Variants in ARHGEF3 observed in about 807,000 individuals in gnomAD.
ARHGEF3 encodes the protein Rho guanine nucleotide exchange factor 3.
ARHGEF3 carries 28 observed loss-of-function variants against 63.2 expected under a neutral mutation model. The ratio of observed to expected loss-of-function variants is 0.44; its 90% CI spans 0.33 to 0.61. ARHGEF3 has a LOEUF of 0.61. Ranked by LOEUF, ARHGEF3 falls within the 20% of genes least tolerant of loss-of-function variation. ARHGEF3 has a pLI of 0.03. For missense variants in ARHGEF3, 533 were observed against 659.3 expected, an observed-to-expected ratio of 0.81 and a Z score of 2.10; for synonymous variants, 266 against 254.2, an observed-to-expected ratio of 1.05 and a Z score of -0.44.
intron 4 of ARHGEF3, among the ~76,000 whole-genome samples, chr3:56,872,983 A>G (rs1666227062): frequency 6.6e-6 from 1 of 152,132 alleles, no homozygotes; most frequent in South Asian, 2.1e-4. Flanking sequence ...ACATAAATTA[A>G]CTTTTTATTT....
At chr3:57,077,594 A>G (rs1048149792) in intron 1 of ARHGEF3, among the ~76,000 whole-genome samples, 1 of 152,194 alleles carries the variant, frequency 6.6e-6, no homozygotes, top group Non-Finnish European at 1.5e-5. Flanking sequence ...CTAGAAATGA[A>G]TGAATGTGGG....
rs535444706 is a variant in ARHGEF3 at position 56,733,281 on chromosome 3, TAAA to T, written c.1042-860_1042-858del. Among the ~76,000 whole-genome samples the T allele has an allele frequency of 1.2e-3, 107 of 87,540 alleles. No homozygotes were observed. The Middle Eastern group carries it at 0.025, about 21-fold the overall frequency. 57.4% of individuals were successfully genotyped at this position (87,540 alleles called of 152,430 possible). ...CTGGGCGACAGTGTGAGACTCCATCTAAAAAAAAAAAAAAAAAATACAAAAACT... is the reference window on the plus strand; with the variant it reads ...CTGGGCGACAGTGTGAGACTCCATCTAAAAAAAAAAAAAAATACAAAAACT... On this transcript the variant is annotated intron_variant, in intron 8 of 9. Coordinates refer to ENST00000296315, the MANE Select transcript of ARHGEF3 (RefSeq NM_019555.3).
At chr3:57,042,689 TATATA>T (rs1470097871) in intron 1 of ARHGEF3, among the ~76,000 whole-genome samples, 6 of 25,206 alleles carry the variant, frequency 2.4e-4, no homozygotes, top group Admixed American at 5.0e-4. Context: ...TATATATATA[TATATA>T]TATATATTTT....
At chr3:56,793,976 T>C (rs1041152865) in intron 1 of ARHGEF3, among the ~76,000 whole-genome samples, 1 of 152,178 alleles carries the variant, frequency 6.6e-6, no homozygotes, top group East Asian at 1.9e-4. Flanking sequence ...CTCAAGTTTT[T>C]CAGGCACACT....
intron 4 of ARHGEF3, among the ~76,000 whole-genome samples, chr3:56,845,204 A>G (rs2039447188): frequency 6.6e-6 from 1 of 152,194 alleles, no homozygotes; most frequent in South Asian, 2.1e-4. Context: ...TGAGACCATA[A>G]CCCTGGCCAA....
intron 7 of ARHGEF3, among the ~76,000 whole-genome samples, chr3:56,745,003 A>AT (rs2034289247): frequency 6.6e-6 from 1 of 152,166 alleles, no homozygotes; most frequent in Non-Finnish European, 1.5e-5. Flanking sequence ...TAAGCACTGC[A>AT]TTTTACAGTT....
chr3:57,016,869 T>A (rs138869290), intron 2 of ARHGEF3, among the ~76,000 whole-genome samples: 1 of 152,118 alleles, frequency 6.6e-6, no homozygotes, highest in Non-Finnish European at 1.5e-5. Context: ...GTCAGGACTT[T>A]GAAAATGACC....
At chr3:57,050,835 C>A (rs1461620122) in intron 1 of ARHGEF3, among the ~76,000 whole-genome samples, 1 of 152,186 alleles carries the variant, frequency 6.6e-6, no homozygotes, top group East Asian at 1.9e-4. Context: ...CTATCAATAA[C>A]CACCAAAGTT....
chr3:56,868,897 C>T (rs960454441), intron 4 of ARHGEF3, among the ~76,000 whole-genome samples: 1 of 151,986 alleles, frequency 6.6e-6, no homozygotes, highest in African/African-American at 2.4e-5. Context: ...TTCAGTGGCC[C>T]GTGTATGATG....
intron 2 of ARHGEF3, among the ~76,000 whole-genome samples, chr3:57,005,049 A>G (rs1005035863): frequency 4.0e-5 from 6 of 151,872 alleles, no homozygotes; most frequent in African/African-American, 1.5e-4. Context: ...CTCTTTATAG[A>G]TGCTTTCTTA....
chr3:56,863,548 C>T (rs2040148631), intron 4 of ARHGEF3, among the ~76,000 whole-genome samples: 1 of 152,090 alleles, frequency 6.6e-6, no homozygotes, highest in African/African-American at 2.4e-5. Flanking sequence ...AATCCACCCG[C>T]CTTGGCCTCC....
chr3:56,730,375 C>T (rs1426524832), intron 9 of ARHGEF3, among the ~76,000 whole-genome samples: 1 of 147,732 alleles, frequency 6.8e-6, no homozygotes, highest in Non-Finnish European at 1.5e-5. Context: ...ATATGGAAGA[C>T]ATTTTATTTA....
intron 3 of ARHGEF3, among the ~76,000 whole-genome samples, chr3:56,904,800 CA>C (rs2041633900): frequency 6.6e-6 from 1 of 152,196 alleles, no homozygotes; most frequent in African/African-American, 2.4e-5. Flanking sequence ...ACCACTCTTT[CA>C]GGCCACTCAC....
rs553440601 is a variant in ARHGEF3 at position 56,963,282 on chromosome 3, T to G, written c.63-4393A>C. On this transcript the variant is annotated intron_variant, in intron 2 of 12. Transcript: ENST00000338458. ...TTAGCTATTATCATTATGAGAAGAC[T>G]CCTTCTTTAACCCAGTAAGGGTAAA... Among the ~76,000 whole-genome samples the G allele has an allele frequency of 1.2e-4, 19 of 152,238 alleles. No individual in the cohort carries two copies. In the South Asian group the frequency reaches 1.9e-3, roughly 15 times the overall value.
At chr3:56,830,438 T>C (rs1349423325) in intron 4 of ARHGEF3, among the ~76,000 whole-genome samples, 1 of 151,170 alleles carries the variant, frequency 6.6e-6, no homozygotes, top group Non-Finnish European at 1.5e-5. Context: ...CAGCCTAAAC[T>C]GTCATCATCT....
At chr3:56,968,747 G>T (rs1700777961) in intron 2 of ARHGEF3, among the ~76,000 whole-genome samples, 1 of 152,218 alleles carries the variant, frequency 6.6e-6, no homozygotes, top group South Asian at 2.1e-4. Flanking sequence ...AAAAGTGTTA[G>T]AGATACTTTA....
At chr3:56,739,501 A>C (rs932642628) in intron 7 of ARHGEF3, among the ~76,000 whole-genome samples, 3 of 151,420 alleles carry the variant, frequency 2.0e-5, no homozygotes, top group Middle Eastern at 3.4e-3. Flanking sequence ...CTTGGGCTCA[A>C]GTGATCCTCC....
chr3:56,736,380 A>T (rs186001206), intron 8 of ARHGEF3, among the ~76,000 whole-genome samples: 60 of 152,326 alleles, frequency 3.9e-4, no homozygotes, highest in Non-Finnish European at 7.6e-4. Context: ...TCTACATGGG[A>T]ATAAAAGCCA....
At chr3:56,863,984 G>A (rs1244234579) in intron 4 of ARHGEF3, among the ~76,000 whole-genome samples, 1 of 152,120 alleles carries the variant, frequency 6.6e-6, no homozygotes, top group African/African-American at 2.4e-5. Flanking sequence ...CTCAAGACCA[G>A]GCAGTAAAGA....
Sources: allele counts gnomAD v4.1 joint callset (sites outside exome capture counted in the v4.1 genomes callset), GRCh38; gene constraint gnomAD v4.1.1; transcripts MANE v1.5; gene names NCBI Gene and HGNC (gene_info 2026-07-23, HGNC 2026-07-21).